The following XPNPEP3 variants were observed in gnomAD, a reference collection of about 807,000 sequenced individuals.
XPNPEP3 encodes xaa-Pro aminopeptidase 3.
XPNPEP3 carries 41 observed loss-of-function variants against 60.0 expected under a neutral mutation model. The observed-to-expected ratio is 0.68, with a 90% CI of 0.53 to 0.89. The LOEUF (loss-of-function observed/expected upper bound fraction) is 0.89. Ranked by LOEUF, XPNPEP3 falls within the 40% of genes least tolerant of loss-of-function variation. XPNPEP3 has a pLI of 0.00. For missense variants in XPNPEP3, 598 were observed against 638.9 expected (o/e 0.94, Z 0.69); for synonymous variants, 212 against 223.2 (o/e 0.95, Z 0.45).
chr22:40,920,534 G>T (rs2058212570), intron 7 of XPNPEP3, among the ~76,000 whole-genome samples: 1 of 152,154 alleles, frequency 6.6e-6, no homozygotes, highest in Non-Finnish European at 1.5e-5. Context: ...TACCAAAGCA[G>T]TTGTGGCATT....
chr22:40,890,033 C>T (rs1275046508), intron 4 of XPNPEP3, among the ~76,000 whole-genome samples: 2 of 152,128 alleles, frequency 1.3e-5, no homozygotes, highest in African/African-American at 2.4e-5. Flanking sequence ...TATCATTAAT[C>T]AAGTCTAAAT....
chr22:40,869,233 C>T (rs1169255291), intron 2 of XPNPEP3, 118 bp downstream of exon 2: 17 of 827,066 alleles, frequency 2.1e-5, no homozygotes, highest in Non-Finnish European at 3.3e-5. Flanking sequence ...AGCCACTAAC[C>T]TCACATGGCC....
At chr22:40,914,531 ATTTTTTTTTTTTTTTT>A (rs560908648) in intron 7 of XPNPEP3, among the ~76,000 whole-genome samples, 1 of 67,604 alleles carries the variant, frequency 1.5e-5, no homozygotes, top group South Asian at 5.9e-4. Context: ...ACTAACAAAG[ATTTTTTTTTTTTTTTT>A]TTTTTTTTTT....
chr22:40,867,263 A>T (rs2057983196), intron 1 of XPNPEP3, among the ~76,000 whole-genome samples: 1 of 152,218 alleles, frequency 6.6e-6, no homozygotes. Flanking sequence ...AGAAGCTGAG[A>T]TTCAAACTCA....
intron 4 of XPNPEP3, chr22:40,907,044 C>T (rs982187936): frequency 2.2e-6 from 1 of 456,224 alleles, no homozygotes. Flanking sequence ...TCACTTCTTA[C>T]TGTCACCCCA....
At chr22:40,873,098 C>CTTTTT (rs138353) in intron 2 of XPNPEP3, among the ~76,000 whole-genome samples, 566 of 88,548 alleles carry the variant, frequency 6.4e-3, no homozygotes, top group East Asian at 0.016. Flanking sequence ...TTTTCTTTTT[C>CTTTTT]TTTTTTTTTT....
intron 4 of XPNPEP3, among the ~76,000 whole-genome samples, chr22:40,892,311 A>C (rs2058091420): frequency 6.6e-6 from 1 of 152,050 alleles, no homozygotes; most frequent in Non-Finnish European, 1.5e-5. Context: ...CAGCCTCCCA[A>C]ATAGCTGGGA....
chr22:40,929,630 T>C lies in XPNPEP3; in HGVS notation c.*3195T>C, dbSNP rs1383610090. ...GTGTTATTGGTAGGCAGAAAGGCTG[T>C]TGTAGAATTCTTCTGGTGATTTTCA... On this transcript the variant is annotated 3_prime_UTR_variant, in exon 10 of 10. Coordinates refer to ENST00000357137, the MANE Select transcript of XPNPEP3 (RefSeq NM_022098.4). 2 of 152,220 alleles carry C rather than the reference T, an allele frequency of 1.3e-5. No individual in the cohort carries two copies. The highest frequency in any genetic ancestry group is 4.8e-5 in the African/African-American group (2 of 41,442). 9.4% of individuals were successfully genotyped at this position (152,220 alleles called of 1,614,324 possible). A position where few individuals can be genotyped will look rare whatever the true frequency, so the allele number is the denominator to read the frequency against.
intron 2 of XPNPEP3, among the ~76,000 whole-genome samples, chr22:40,874,601 T>A (rs1011052785): frequency 6.6e-6 from 1 of 152,052 alleles, no homozygotes; most frequent in African/African-American, 2.4e-5. Context: ...AATTTTTATA[T>A]TTTTTATAGA....
intron 4 of XPNPEP3, among the ~76,000 whole-genome samples, chr22:40,903,224 G>A (rs1377639428): frequency 2.0e-5 from 3 of 152,148 alleles, no homozygotes; most frequent in African/African-American, 7.2e-5. Flanking sequence ...CTGGAATTAA[G>A]CCTCACAGCA....
intron 1 of XPNPEP3, chr22:40,860,704 G>A: frequency 9.6e-7 from 1 of 1,043,538 alleles, no homozygotes; most frequent in Non-Finnish European, 1.4e-6. Context: ...CCAAGCTGGA[G>A]TGCAGTGGCG....
intron 1 of XPNPEP3, among the ~76,000 whole-genome samples, chr22:40,868,403 T>G (rs1201593330): frequency 1.3e-5 from 2 of 151,954 alleles, no homozygotes; most frequent in African/African-American, 4.8e-5. Context: ...TAGCTCCTTA[T>G]TCATACCTTT....
chr22:40,898,316 C>T (rs1385303120), intron 4 of XPNPEP3, among the ~76,000 whole-genome samples: 2 of 110,134 alleles, frequency 1.8e-5, no homozygotes, highest in Non-Finnish European at 3.2e-5. Context: ...TGCAGTGGCG[C>T]AATCTCGGCT....
intron 4 of XPNPEP3, among the ~76,000 whole-genome samples, chr22:40,904,329 G>C (rs891643296): frequency 6.6e-6 from 1 of 152,174 alleles, no homozygotes; most frequent in African/African-American, 2.4e-5. Flanking sequence ...TGATCACCTA[G>C]GAAGGAGGAG....
intron 7 of XPNPEP3, among the ~76,000 whole-genome samples, chr22:40,920,631 G>A (rs751375385): frequency 2.6e-5 from 4 of 152,140 alleles, no homozygotes; most frequent in Non-Finnish European, 5.9e-5. Flanking sequence ...CCCCTTCAGC[G>A]GCAACGTTGA....
intron 1 of XPNPEP3, chr22:40,862,232 T>C (rs1601486801): frequency 4.0e-6 from 5 of 1,257,078 alleles, no homozygotes; most frequent in South Asian, 2.3e-5. Flanking sequence ...GTGTAGGGAC[T>C]GGACCTTCCA....
intron 4 of XPNPEP3, among the ~76,000 whole-genome samples, chr22:40,900,788 C>T (rs1466077653): frequency 1.3e-5 from 2 of 150,560 alleles, no homozygotes; most frequent in Non-Finnish European, 3.0e-5. Context: ...AATAAGTTAG[C>T]TGGGTGTGGT....
At chr22:40,920,558 T>G (rs145397403) in intron 7 of XPNPEP3, among the ~76,000 whole-genome samples, 1 of 152,170 alleles carries the variant, frequency 6.6e-6, no homozygotes, top group Admixed American at 6.5e-5. Flanking sequence ...GTTTATGTAT[T>G]GTGGGTTACC....
chr22:40,920,066 T>G (rs1183478245), intron 7 of XPNPEP3, among the ~76,000 whole-genome samples: 1 of 152,070 alleles, frequency 6.6e-6, no homozygotes, highest in Non-Finnish European at 1.5e-5. Flanking sequence ...GTAGGGATAT[T>G]GATTAGAAAT....
Sources: allele counts gnomAD v4.1 joint callset (sites outside exome capture counted in the v4.1 genomes callset), GRCh38; gene constraint gnomAD v4.1.1; transcripts MANE v1.5; gene names NCBI Gene and HGNC (gene_info 2026-07-23, HGNC 2026-07-21).